SSH2: variants seen among roughly 807,000 people sequenced by gnomAD.
SSH2 encodes protein phosphatase Slingshot homolog 2.
SSH2 carries 37 observed loss-of-function variants against 135.2 expected under a neutral mutation model. The observed-to-expected ratio is 0.27, with a 90% CI of 0.21 to 0.36. The LOEUF (loss-of-function observed/expected upper bound fraction) is 0.36, where lower values mean the gene tolerates loss of function less well. Among genes scored for constraint, SSH2 ranks in the 10% least tolerant of loss-of-function variants. The pLI, the probability that SSH2 is intolerant of heterozygous loss-of-function variation, is 1.00. For missense variants in SSH2, 1,408 were observed against 1,765.3 expected (o/e 0.80, Z 3.63); for synonymous variants, 628 against 646.2 (o/e 0.97, Z 0.43).
At chr17:29,893,876 T>C (rs2066395648) in intron 1 of SSH2, among the ~76,000 whole-genome samples, 1 of 152,154 alleles carries the variant, frequency 6.6e-6, no homozygotes, top group African/African-American at 2.4e-5. Flanking sequence ...AATAACAAAT[T>C]GAGTTGGGAA....
chr17:29,765,670 CCTA>C (rs927543768), intron 3 of SSH2, among the ~76,000 whole-genome samples: 3 of 152,084 alleles, frequency 2.0e-5, no homozygotes, highest in Admixed American at 2.0e-4. Context: ...CTATCCTAGC[CCTA>C]CTTTCTTTAA....
At chr17:29,742,320 T>TTC (rs1302316144) in intron 3 of SSH2, among the ~76,000 whole-genome samples, 1 of 134,502 alleles carries the variant, frequency 7.4e-6, no homozygotes, top group Non-Finnish European at 1.6e-5. Flanking sequence ...CAAGTTCTTC[T>TTC]TTTTTTTTTT....
rs576935556 is a variant in SSH2, at chr17:29,908,863, G to C, written c.63+21075C>G. On this transcript the variant is annotated intron_variant, in intron 1 of 15. Transcript: ENST00000540801. Reference sequence around the variant, plus strand: ...AGAGGCCAAGGCGGGTGGGTCATGAGGTCAGGAGATCGAGACCATCCTGGC... The same window carrying C: ...AGAGGCCAAGGCGGGTGGGTCATGACGTCAGGAGATCGAGACCATCCTGGC... 1.9e-4 allele frequency among the ~76,000 whole-genome samples: 29 copies of C among 151,648 alleles called. No homozygotes were observed. In the East Asian group the frequency reaches 5.4e-3, roughly 28 times the overall value.
In SSH2 at chr17:29,703,007, T is replaced by C. The variant is rs1425681997; in HGVS notation, c.244A>G (p.Asn82Asp). The C allele has an allele frequency of 6.2e-7, 1 of 1,613,920 alleles. No homozygotes were observed. The highest frequency in any genetic ancestry group is 8.5e-7 in the Non-Finnish European group (1 of 1,179,932). ...KGAALFLPRG[N>D]GSSTPRISHR... is the part of the protein sequence containing the mutation. Reference sequence around the variant, plus strand: ...CTGATTCTTGGTGTGGATGAGCCATTTCCCCGTGGTAGAAAAAGGGCAGCA... The same window carrying C: ...CTGATTCTTGGTGTGGATGAGCCATCTCCCCGTGGTAGAAAAAGGGCAGCA... The change falls in exon 4 of 16, where the codon AAT (asparagine) becomes GAT (aspartate). Residue 82 changes from asparagine to aspartate, a missense_variant. Transcript: ENST00000540801.
intron 1 of SSH2, among the ~76,000 whole-genome samples, chr17:29,868,467 G>A (rs940997383): frequency 1.3e-5 from 2 of 152,184 alleles, no homozygotes; most frequent in African/African-American, 4.8e-5. Flanking sequence ...GCTGGGTGCG[G>A]TGTCTCATGC....
intron 3 of SSH2, among the ~76,000 whole-genome samples, chr17:29,782,612 G>T (rs1245829257): frequency 2.6e-5 from 4 of 152,080 alleles, no homozygotes; most frequent in Admixed American, 6.5e-5. Flanking sequence ...CTGAGACGGA[G>T]TCTCATTCTG....
chr17:29,775,315 G>A (rs914761521), intron 3 of SSH2, among the ~76,000 whole-genome samples: 1 of 149,736 alleles, frequency 6.7e-6, no homozygotes, highest in African/African-American at 2.5e-5. Flanking sequence ...TTGAGACAGG[G>A]TCTGGCTCTA....
chr17:29,731,604 C>T (rs536580274), intron 3 of SSH2, among the ~76,000 whole-genome samples: 4 of 152,134 alleles, frequency 2.6e-5, no homozygotes, highest in East Asian at 3.9e-4. Flanking sequence ...TACAGGCATG[C>T]GCCGCTACAC....
intron 1 of SSH2, among the ~76,000 whole-genome samples, chr17:29,869,050 G>A (rs181153344): frequency 5.7e-4 from 87 of 152,288 alleles, no homozygotes; most frequent in Non-Finnish European, 1.0e-3. Context: ...GAGAACAGAG[G>A]AGTGAGAGTG....
In SSH2 at chr17:29,630,998, A is replaced by G; in HGVS notation, c.4196T>C (p.Leu1399Pro). The change falls in exon 16 of 16, where the codon CTT becomes CCT. Residue 1399 changes from leucine to proline, a missense_variant. By Grantham distance (98) the Leu-to-Pro change is moderately conservative. Transcript: ENST00000540801. Reference protein sequence around the residue: ...GLELTSSEGGLPVLQTQGLQC... With the variant: ...GLELTSSEGGPPVLQTQGLQC... The stretch of plus-strand genomic sequence containing the variant: ...CAGTCCCTGGGTCTGTAGCACGGGA[A>G]GGCCTCCTTCAGAACTAGTCAATTC... 1 of 1,613,920 alleles carries G rather than the reference A, an allele frequency of 6.2e-7. No individual in the cohort carries two copies. Among genetic ancestry groups the G allele is most frequent in the Non-Finnish European group, 8.5e-7 (1 of 1,179,780 alleles).
chr17:29,768,857 G>A (rs973551093), intron 3 of SSH2, among the ~76,000 whole-genome samples: 1 of 152,034 alleles, frequency 6.6e-6, no homozygotes, highest in African/African-American at 2.4e-5. Context: ...GAGCCAAGAA[G>A]GTTTTGAAAA....
chr17:29,733,910 C>CTTTTTTTTT (rs200752788), intron 3 of SSH2, among the ~76,000 whole-genome samples: 1 of 130,538 alleles, frequency 7.7e-6, no homozygotes, highest in Non-Finnish European at 1.6e-5. Context: ...TAATTTCTTT[C>CTTTTTTTTT]TTTTTTTTTT....
intron 3 of SSH2, among the ~76,000 whole-genome samples, chr17:29,741,785 T>A (rs1037351493): frequency 2.6e-4 from 39 of 152,012 alleles, no homozygotes; most frequent in South Asian, 4.2e-4. Context: ...CCAGCTAATT[T>A]TTCTATTTTT....
intron 1 of SSH2, among the ~76,000 whole-genome samples, chr17:29,917,392 T>A (rs915452412): frequency 2.6e-4 from 40 of 152,200 alleles, no homozygotes; most frequent in African/African-American, 9.7e-4. Context: ...ACACATTTGG[T>A]TTGTGCCTTT....
At chr17:29,724,649 G>A (rs1245432186) in intron 3 of SSH2, among the ~76,000 whole-genome samples, 1 of 140,834 alleles carries the variant, frequency 7.1e-6, no homozygotes, top group Non-Finnish European at 1.5e-5. Flanking sequence ...GAGTGCAGTG[G>A]TGCATTCTCA....
intron 3 of SSH2, among the ~76,000 whole-genome samples, chr17:29,788,833 G>A (rs1399515852): frequency 6.6e-6 from 1 of 152,182 alleles, no homozygotes; most frequent in East Asian, 1.9e-4. Context: ...TTGCCATGAA[G>A]GGATTGCTAA....
At chr17:29,860,080 T>C (rs1231361991) in intron 1 of SSH2, among the ~76,000 whole-genome samples, 1 of 152,086 alleles carries the variant, frequency 6.6e-6, no homozygotes, top group Non-Finnish European at 1.5e-5. Context: ...ACTCCTGACC[T>C]CAGGTGATCC....
intron 2 of SSH2, among the ~76,000 whole-genome samples, chr17:29,845,701 A>G (rs943648827): frequency 3.9e-5 from 6 of 152,016 alleles, no homozygotes; most frequent in Admixed American, 1.3e-4. Context: ...CTAGGACTAC[A>G]AGTATGTGCC....
intron 6 of SSH2, among the ~76,000 whole-genome samples, chr17:29,678,961 C>A (rs1252449981): frequency 6.6e-6 from 1 of 152,000 alleles, no homozygotes; most frequent in Non-Finnish European, 1.5e-5. Flanking sequence ...AGTGATCCAC[C>A]CGTCTCAGCC....
Sources: allele counts gnomAD v4.1 joint callset (sites outside exome capture counted in the v4.1 genomes callset), GRCh38; gene constraint gnomAD v4.1.1; transcripts MANE v1.5; gene names NCBI Gene and HGNC (gene_info 2026-07-23, HGNC 2026-07-21).